Variants in TMC1 observed in about 807,000 individuals in gnomAD.
The protein encoded by TMC1 is transmembrane channel like 1.
In TMC1, 84 loss-of-function variants were observed where a neutral mutation model predicts 105.8. The ratio of observed to expected loss-of-function variants is 0.79; its 90% CI spans 0.67 to 0.95. The LOEUF (loss-of-function observed/expected upper bound fraction) is 0.95, where lower values mean the gene tolerates loss of function less well. Among genes scored for constraint, TMC1 ranks in the 40% least tolerant of loss-of-function variants. The pLI is 0.00. For missense variants in TMC1, 817 were observed against 914.1 expected (o/e 0.89, Z 1.37); for synonymous variants, 315 against 311.5 (o/e 1.01, Z -0.12).
intron 6 of TMC1, among the ~76,000 whole-genome samples, chr9:72,689,532 T>G (rs1596658): frequency 0.25 from 34,125 of 136,558 alleles, 4,138 homozygotes; most frequent in East Asian, 0.39. Flanking sequence ...TTATGGAATG[T>G]AATGTAGGGT....
intron 4 of TMC1, among the ~76,000 whole-genome samples, chr9:72,638,020 T>A (rs1466075669): frequency 6.6e-6 from 1 of 152,010 alleles, no homozygotes; most frequent in Non-Finnish European, 1.5e-5. Flanking sequence ...GCCGTGTAGA[T>A]CTTATGGTGT....
At chr9:72,751,817 C>T in intron 10 of TMC1, 33 bp from the exon 11 acceptor site, 1 of 1,404,570 alleles carries the variant, frequency 7.1e-7, no homozygotes, top group East Asian at 2.3e-5. Context: ...TTGCTTTGAT[C>T]TCTCTTCAAA....
intron 1 of TMC1, among the ~76,000 whole-genome samples, chr9:72,535,936 A>T (rs1257313822): frequency 1.3e-5 from 2 of 152,164 alleles, no homozygotes; most frequent in Admixed American, 1.3e-4. Context: ...ATTCTCCCCC[A>T]TGACCAAAAT....
At chr9:72,813,536 G>C (rs1255339191) in intron 18 of TMC1, among the ~76,000 whole-genome samples, 1 of 152,160 alleles carries the variant, frequency 6.6e-6, no homozygotes, top group African/African-American at 2.4e-5. Flanking sequence ...GCAAACTTTT[G>C]CTGTAAAGGG....
intron 4 of TMC1, among the ~76,000 whole-genome samples, chr9:72,631,376 G>A (rs11143354): frequency 0.051 from 7,774 of 152,176 alleles, 238 homozygotes; most frequent in Non-Finnish European, 0.062. Context: ...GAGCATGTGC[G>A]TAATTCGTTT....
chr9:72,773,645 G>A (rs138508041), intron 13 of TMC1, among the ~76,000 whole-genome samples: 1 of 152,226 alleles, frequency 6.6e-6, no homozygotes, highest in African/African-American at 2.4e-5. Flanking sequence ...ATATTTTCTA[G>A]TCTTTTGACT....
intron 6 of TMC1, among the ~76,000 whole-genome samples, chr9:72,690,778 G>A (rs1400874234): frequency 6.6e-6 from 1 of 152,000 alleles, no homozygotes; most frequent in Admixed American, 6.6e-5. Context: ...GGCAATTTAA[G>A]TATAATATGT....
chr9:72,576,590 G>T (rs1049408497), intron 1 of TMC1, among the ~76,000 whole-genome samples: 1 of 148,330 alleles, frequency 6.7e-6, no homozygotes, highest in Non-Finnish European at 1.5e-5. Flanking sequence ...GATGGGTTTT[G>T]ACCAGCCCCT....
chr9:72,624,343 G>A (rs537115299), intron 3 of TMC1, among the ~76,000 whole-genome samples: 4 of 152,244 alleles, frequency 2.6e-5, no homozygotes, highest in South Asian at 2.1e-4. Flanking sequence ...CTTTGCAGTC[G>A]GGCGGTAGTG....
intron 2 of TMC1, among the ~76,000 whole-genome samples, chr9:72,588,244 A>G (rs1824584642): frequency 6.6e-6 from 1 of 152,218 alleles, no homozygotes; most frequent in African/African-American, 2.4e-5. Flanking sequence ...TTACTGCTGT[A>G]TAACAAACTG....
chr9:72,622,661 A>C (rs1405193170), intron 3 of TMC1, among the ~76,000 whole-genome samples: 1 of 152,106 alleles, frequency 6.6e-6, no homozygotes, highest in African/African-American at 2.4e-5. Context: ...ACAATACCAG[A>C]CTTGTTAAAT....
chr9:72,759,859 A>G (rs1056681245), intron 12 of TMC1, among the ~76,000 whole-genome samples: 2 of 152,204 alleles, frequency 1.3e-5, no homozygotes, highest in African/African-American at 2.4e-5. Context: ...CATGTCCTGT[A>G]TTCCGCCCGT....
chr9:72,642,335 C>G (rs562550515), intron 4 of TMC1, among the ~76,000 whole-genome samples: 5 of 152,204 alleles, frequency 3.3e-5, no homozygotes, highest in African/African-American at 1.2e-4. Context: ...TGTCATCACA[C>G]ACTTCCTGTT....
chr9:72,641,810 C>CTTTTT (rs896125209), intron 4 of TMC1, among the ~76,000 whole-genome samples: 55 of 87,000 alleles, frequency 6.3e-4, no homozygotes, highest in Non-Finnish European at 8.3e-4. Context: ...AGTCCCAAAT[C>CTTTTT]TTTTTTTTTT....
At chr9:72,631,068 A>G (rs1019596764) in intron 4 of TMC1, among the ~76,000 whole-genome samples, 4 of 152,018 alleles carry the variant, frequency 2.6e-5, no homozygotes, top group Admixed American at 1.3e-4. Context: ...GGGTTTCACT[A>G]TGTTGGTCAG....
intron 20 of TMC1, among the ~76,000 whole-genome samples, chr9:72,824,696 T>G (rs1454168613): frequency 1.3e-5 from 2 of 151,882 alleles, no homozygotes; most frequent in Non-Finnish European, 2.9e-5. Flanking sequence ...AAGGCTAAAG[T>G]GAAGGTGTCA....
At chr9:72,630,055 G>C (rs1478929260) in intron 4 of TMC1, among the ~76,000 whole-genome samples, 34 of 151,928 alleles carry the variant, frequency 2.2e-4, no homozygotes, top group Non-Finnish European at 1.2e-4. Flanking sequence ...TAATAGAGAT[G>C]GGGTTTCTCC....
chr9:72,680,147 A>G (rs576207423), intron 5 of TMC1, among the ~76,000 whole-genome samples: 1 of 152,256 alleles, frequency 6.6e-6, no homozygotes, highest in Middle Eastern at 3.4e-3. Flanking sequence ...TCCTGATTCC[A>G]GTATTTTAGG....
rs1039674910 is a variant in TMC1, at chr9:72,819,154, G to T, written c.1764-1688G>T. Among the ~76,000 whole-genome samples the T allele has an allele frequency of 4.6e-5, 7 of 152,306 alleles. No homozygotes were observed. The East Asian group carries it at 1.3e-3, about 29-fold the overall frequency. On this transcript the variant is annotated intron_variant, in intron 19 of 23. Coordinates refer to ENST00000297784, the MANE Select transcript of TMC1 (RefSeq NM_138691.3). ...TCTTAGAACTTACCTTCACTTTAGA[G>T]ACCCAGACTGATGGAATAGGATCCA... is the stretch of plus-strand genomic sequence containing the variant.
Sources: gnomAD v4.1 joint callset for allele counts (sites outside exome capture counted in the v4.1 genomes callset) on GRCh38, gnomAD v4.1.1 for gene constraint, MANE v1.5 for transcripts, NCBI Gene and HGNC (gene_info 2026-07-23, HGNC 2026-07-21) for gene names.